GDPD4: variants seen among roughly 807,000 people sequenced by gnomAD.
GDPD4 encodes the protein glycerophosphodiester phosphodiesterase domain containing 4.
GDPD4 carries 60 observed loss-of-function variants against 67.8 expected under a neutral mutation model. The ratio of observed to expected loss-of-function variants is 0.88; its 90% confidence interval spans 0.72 to 1.10. GDPD4 has a LOEUF of 1.10. Ranked by LOEUF, GDPD4 falls within the 50% of genes least tolerant of loss-of-function variation. GDPD4 has a pLI of 0.00. For missense variants in GDPD4, 623 were observed against 613.9 expected, an observed-to-expected ratio of 1.01 and a Z score of -0.16; for synonymous variants, 212 against 210.9, an observed-to-expected ratio of 1.00 and a Z score of -0.04.
Position 77,276,172 on chromosome 11 carries a change from A to G in GDPD4, c.196T>C (p.Leu66=). The change falls in exon 5 of 17, where the codon TTG becomes CTG. Residue 66 remains leucine, a synonymous_variant. Transcript: ENST00000315938. The stretch of plus-strand genomic sequence containing the variant: ...CTCAGATGTCCTACCTTATGACACA[A>G]GTGCAGGTATAGTTCAATCCTTTCC... ...LWERIELYLH[L]CHKILILLVI... 1 of 1,613,302 alleles carries G rather than the reference A, an allele frequency of 6.2e-7. No homozygotes were observed. Among genetic ancestry groups the G allele is most frequent in the Non-Finnish European group, 8.5e-7 (1 of 1,179,250 alleles).
intron 4 of GDPD4, among the ~76,000 whole-genome samples, chr11:77,278,480 C>T (rs1959594065): frequency 6.6e-6 from 1 of 152,218 alleles, no homozygotes; most frequent in African/African-American, 2.4e-5. Flanking sequence ...CTATGAAGTG[C>T]ACTGCATGAA....
At chr11:77,296,788 G>A (rs1046683785) in intron 1 of GDPD4, among the ~76,000 whole-genome samples, 19 of 151,300 alleles carry the variant, frequency 1.3e-4, no homozygotes, top group African/African-American at 3.6e-4. Context: ...GGCCGGGTGC[G>A]GTGGCTCATG....
intron 16 of GDPD4, among the ~76,000 whole-genome samples, chr11:77,220,707 A>C (rs1258840059): frequency 6.6e-6 from 1 of 152,180 alleles, no homozygotes; most frequent in Non-Finnish European, 1.5e-5. Flanking sequence ...TATCAGGATG[A>C]TGCTGGCCTC....
intron 16 of GDPD4, among the ~76,000 whole-genome samples, chr11:77,222,329 C>CA (rs1281394798): frequency 1.3e-5 from 2 of 152,144 alleles, no homozygotes; most frequent in Non-Finnish European, 2.9e-5. Context: ...ACGGTCTTTA[C>CA]AGTTTGGCAT....
intron 2 of GDPD4, among the ~76,000 whole-genome samples, 187 bp from the exon 3 acceptor site, chr11:77,285,374 C>T (rs1427223395): frequency 6.6e-6 from 1 of 152,172 alleles, no homozygotes; most frequent in Non-Finnish European, 1.5e-5. Context: ...ACCTTTCTTA[C>T]ACTTAACTGG....
chr11:77,252,651 A>G (rs1958930170), intron 11 of GDPD4, among the ~76,000 whole-genome samples: 1 of 152,076 alleles, frequency 6.6e-6, no homozygotes, highest in Non-Finnish European at 1.5e-5. Flanking sequence ...TAAACTTTCT[A>G]GAGTGGCTTT....
intron 3 of GDPD4, among the ~76,000 whole-genome samples, chr11:77,280,435 A>C (rs1959707982): frequency 6.6e-6 from 1 of 152,014 alleles, no homozygotes; most frequent in Non-Finnish European, 1.5e-5. Flanking sequence ...TAAAAAAAAA[A>C]ACATGAAATC....
At chr11:77,222,313 G>C (rs1434059140) in intron 16 of GDPD4, among the ~76,000 whole-genome samples, 1 of 152,146 alleles carries the variant, frequency 6.6e-6, no homozygotes, top group Non-Finnish European at 1.5e-5. Context: ...TTTCTTCCTA[G>C]CTTTGACGGT....
intron 10 of GDPD4, among the ~76,000 whole-genome samples, chr11:77,262,112 C>T (rs550638196): frequency 6.6e-6 from 1 of 152,226 alleles, no homozygotes; most frequent in African/African-American, 2.4e-5. Flanking sequence ...GTTCCCCTTA[C>T]AAACTCTTAT....
At chr11:77,279,237 T>C (rs1248215762) in intron 4 of GDPD4, 69 bp downstream of exon 4, 7 of 963,948 alleles carry the variant, frequency 7.3e-6, no homozygotes, top group East Asian at 2.4e-5. Flanking sequence ...CTGGATACTA[T>C]ACCACAGGCA....
intron 14 of GDPD4, among the ~76,000 whole-genome samples, chr11:77,230,799 G>A (rs1171874562): frequency 1.3e-5 from 2 of 152,186 alleles, no homozygotes; most frequent in Admixed American, 6.6e-5. Context: ...CCTATCAAGA[G>A]GTGAAGTCTG....
chr11:77,297,362 A>C (rs1414879257), intron 1 of GDPD4, among the ~76,000 whole-genome samples: 1 of 151,388 alleles, frequency 6.6e-6, no homozygotes, highest in Non-Finnish European at 1.5e-5. Flanking sequence ...GTAAAACCCT[A>C]TCTCTACTAA....
chr11:77,235,965 CAAAAAAAAAACA>C (rs1347202005), intron 13 of GDPD4, among the ~76,000 whole-genome samples: 3 of 122,454 alleles, frequency 2.4e-5, no homozygotes, highest in Non-Finnish European at 3.5e-5. Flanking sequence ...CTATTAAAAA[CAAAAAAAAAACA>C]AAAAAAAAAA....
intron 11 of GDPD4, among the ~76,000 whole-genome samples, chr11:77,255,419 C>T (rs1384663941): frequency 1.3e-5 from 2 of 151,950 alleles, no homozygotes; most frequent in South Asian, 2.1e-4. Context: ...AAAAAATTAG[C>T]TGGTCATGGT....
At chr11:77,231,990 C>T (rs1958465298) in intron 14 of GDPD4, among the ~76,000 whole-genome samples, 2 of 152,196 alleles carry the variant, frequency 1.3e-5, no homozygotes, top group South Asian at 4.1e-4. Context: ...AAGACTGTGC[C>T]TTGACTCTGG....
rs370990280 is a variant in GDPD4 at position 77,227,995 on chromosome 11, T to A, written c.1473-79A>T. The stretch of plus-strand genomic sequence containing the variant: ...CTTCTAACGTTCCTCCTCCAGGATC[T>A]TCTTCCCCCTTCCATCTTGAAACTT... On this transcript the variant is annotated intron_variant, in intron 15 of 16. Transcript: ENST00000315938. 139 of 921,178 alleles carry A rather than the reference T, an allele frequency of 1.5e-4. 1 individual carries two copies. Among genetic ancestry groups the A allele is most frequent in the South Asian group, 1.3e-3 (100 of 77,210 alleles). The allele number at this position is 921,178 out of a possible 1,614,324, so 57.1% of individuals were successfully genotyped here.
chr11:77,253,519 C>T (rs947540788), intron 11 of GDPD4, among the ~76,000 whole-genome samples: 6 of 152,148 alleles, frequency 3.9e-5, no homozygotes, highest in African/African-American at 1.4e-4. Flanking sequence ...AGTCCAGCTC[C>T]AGGGAAGCAG....
intron 10 of GDPD4, 92 bp downstream of exon 10, chr11:77,268,365 T>G (rs1959188376): frequency 1.2e-6 from 1 of 817,432 alleles, no homozygotes; most frequent in East Asian, 2.4e-5. Context: ...CCCCAGGGCT[T>G]GCTGTCTCTA....
Position 77,268,525 on chromosome 11 carries a change from AT to A in GDPD4, c.638del (p.Asn213IlefsTer3), listed in dbSNP as rs778943578. 1.8e-4 allele frequency: 294 copies of A among 1,612,184 alleles called. 1 individual carries two copies. Among genetic ancestry groups the A allele is most frequent in the Non-Finnish European group, 3.9e-5 (46 of 1,178,558 alleles). On this transcript the variant is annotated frameshift_variant, in exon 10 of 17. Coordinates refer to ENST00000315938, the MANE Select transcript of GDPD4 (RefSeq NM_182833.3). LOFTEE classifies it high-confidence loss of function. Reference sequence around the variant, plus strand: ...CAGCTTTCTCAAAGGACATCATGGTATTCTCAGGCCCCAACTGTAGAAGAAA... The same window carrying A: ...CAGCTTTCTCAAAGGACATCATGGTATCTCAGGCCCCAACTGTAGAAGAAA... ...HRGAPMLGPE[N>X]TMMSFEKAVE... is the part of the protein sequence containing the mutation.
Sources: allele counts gnomAD v4.1 joint callset (sites outside exome capture counted in the v4.1 genomes callset), GRCh38; gene constraint gnomAD v4.1.1; transcripts MANE v1.5; gene names NCBI Gene and HGNC (gene_info 2026-07-23, HGNC 2026-07-21).